ATP1A3: variants seen among roughly 807,000 people sequenced by gnomAD.
ATP1A3 encodes the protein ATPase Na+/K+ transporting subunit alpha 3, also known as sodium/potassium-transporting ATPase subunit alpha-3.
ATP1A3 carries 12 observed loss-of-function variants against 108.8 expected under a neutral mutation model. The observed-to-expected ratio is 0.11, with a 90% CI of 0.07 to 0.18. ATP1A3 has a LOEUF of 0.18. Ranked by LOEUF, ATP1A3 falls within the 10% of genes least tolerant of loss-of-function variation. ATP1A3 has a pLI of 1.00. For missense variants in ATP1A3, 498 were observed against 1,387.7 expected (o/e 0.36, Z 10.19); for synonymous variants, 539 against 564.5 (o/e 0.95, Z 0.64).
In ATP1A3 at chr19:41,967,316, G is replaced by A. The variant is rs182309368; in HGVS notation, c.2946C>T (p.Phe982=). 14 of 1,610,786 alleles carry A rather than the reference G, an allele frequency of 8.7e-6. No homozygotes were observed. In the African/African-American group the frequency reaches 1.5e-4, roughly 17 times the overall value. Residue 982 remains phenylalanine, a synonymous_variant, in exon 22 of 23, where the codon TTC becomes TTT. Transcript: ENST00000648268. This position sits in a 1 kb window ranked among gnomAD's most constrained non-coding sequence, Gnocchi z 4.2. ...AGACGAAGATGAGGAAACTGTAGGG[G>A]AAGGCACAGAACCACCAGCTGGGCC... ...PLKPSWWFCA[F]PYSFLIFVYD...
At chr19:41,976,973 T>G (rs1233068540) in intron 14 of ATP1A3, among the ~76,000 whole-genome samples, 1 of 151,018 alleles carries the variant, frequency 6.6e-6, no homozygotes, top group African/African-American at 2.4e-5. Context: ...CCTGGCTAAT[T>G]TTTTTTTAAT....
At chr19:41,979,835 G>A (rs1017010194) in intron 11 of ATP1A3, among the ~76,000 whole-genome samples, 1 of 152,184 alleles carries the variant, frequency 6.6e-6, no homozygotes, top group African/African-American at 2.4e-5. Context: ...TTAGAGGGAC[G>A]AGCTATGGTA....
intron 8 of ATP1A3, among the ~76,000 whole-genome samples, chr19:41,982,409 TG>T (rs1285180012): frequency 2.0e-5 from 3 of 152,130 alleles, no homozygotes; most frequent in Admixed American, 6.6e-5. Context: ...GCGCATCACT[TG>T]AGATCAGGAG....
chr19:41,972,923 G>A (rs901118332), intron 16 of ATP1A3, among the ~76,000 whole-genome samples: 9 of 151,606 alleles, frequency 5.9e-5, no homozygotes, highest in African/African-American at 2.2e-4. Context: ...GGGAGGGAAG[G>A]GAAGGTGAAG....
rs201289516 is a variant in ATP1A3 at position 41,978,114 on chromosome 19, G to T, written c.1806+37C>A. On this transcript the variant is annotated intron_variant, in intron 13 of 22. Transcript: ENST00000648268. The surrounding 1 kb of genome is among the most constrained non-coding windows in gnomAD (Gnocchi z 8.3). ...TTAGGGATGGCCTCTCCCGCCCCAC[G>T]CCTGGCTTTGCCTCCCCCAGCCACC... The T allele has an allele frequency of 1.2e-6, 2 of 1,614,170 alleles. No homozygotes were observed. The highest frequency in any genetic ancestry group is 8.5e-7 in the Non-Finnish European group (1 of 1,180,024).
At position 41,967,824 on chromosome 19, in the gene ATP1A3, G is replaced by A. The variant is rs1040405243; in HGVS notation, c.2820-61C>T. On this transcript the variant is annotated intron_variant, in intron 20 of 22. Transcript: ENST00000648268. This position sits in a 1 kb window ranked among gnomAD's most constrained non-coding sequence, Gnocchi z 4.2. ...GCACCCACCCTGCACCTGCCACCCC[G>A]CAGAGACAGGGGGAGGCACAGTGCA... The A allele has an allele frequency of 1.1e-5, 16 of 1,472,790 alleles. No individual in the cohort carries two copies. The highest frequency in any genetic ancestry group is 3.5e-5 in the South Asian group (3 of 86,086). The allele number at this position is 1,472,790 out of a possible 1,614,324, so 91.2% of individuals were successfully genotyped here. A position where few individuals can be genotyped will look rare whatever the true frequency, so the allele number is the denominator to read the frequency against.
At chr19:41,972,158 G>A (rs1555860058) in intron 16 of ATP1A3, among the ~76,000 whole-genome samples, 1 of 152,098 alleles carries the variant, frequency 6.6e-6, no homozygotes, top group African/African-American at 2.4e-5. Flanking sequence ...GCTGAGGCAG[G>A]AGAATCATTT....
rs1021823203 is a variant in ATP1A3, at chr19:41,978,470, C to A, written c.1630+136G>T. The A allele has an allele frequency of 1.4e-6, 2 of 1,481,460 alleles. No homozygotes were observed. The highest frequency in any genetic ancestry group is 1.4e-5 in the African/African-American group (1 of 72,164). The allele number at this position is 1,481,460 out of a possible 1,614,324, so 91.8% of individuals were successfully genotyped here. On this transcript the variant is annotated intron_variant, in intron 12 of 22. Transcript: ENST00000648268. This position sits in a 1 kb window ranked among gnomAD's most constrained non-coding sequence, Gnocchi z 8.3. ...TTCATTTCCTAGGATACCTTCCCCT[C>A]TCATCCATCCATTCATTCATTCATT...
rs1329634836 is a variant in ATP1A3 at position 41,993,308 on chromosome 19, A to C, written c.6+763T>G. 4 of 1,360,758 alleles carry C rather than the reference A, an allele frequency of 2.9e-6. No individual in the cohort carries two copies. The East Asian group carries it at 1.0e-4, about 34-fold the overall frequency. 84.3% of individuals were successfully genotyped at this position (1,360,758 alleles called of 1,614,324 possible). A position where few individuals can be genotyped will look rare whatever the true frequency, so the allele number is the denominator to read the frequency against. On this transcript the variant is annotated intron_variant, in intron 1 of 22. Transcript: ENST00000648268. ...CAGACAGACAAGGACACACGGACAC[A>C]GAGGCAAGGACACAGCCAGGCATGC... is the stretch of plus-strand genomic sequence containing the variant.
chr19:41,975,722 T>C lies in ATP1A3; in HGVS notation c.2170A>G (p.Met724Val), dbSNP rs781895537. The C allele has an allele frequency of 6.2e-7, 1 of 1,614,130 alleles. No homozygotes were observed. Among genetic ancestry groups the C allele is most frequent in the Non-Finnish European group, 8.5e-7 (1 of 1,179,994 alleles). The change falls in exon 16 of 23, where the codon ATG (methionine) becomes GTG (valine). Residue 724 changes from methionine (M) to valine (V), a missense_variant. Met to Val is a conservative substitution (Grantham distance 21). Around this residue, in one of 9 missense-constraint regions of ATP1A3, gnomAD observed 121 missense variants for 425.1 expected, o/e 0.28. Transcript: ENST00000648268. The stretch of plus-strand genomic sequence containing the variant: ...GAGACGTCAGAGCCAGCGATGCCCA[T>C]GGCCACCCCAATGTCGGCCTTCTTC... The part of the protein sequence containing the change: ...ALKKADIGVA[M>V]GIAGSDVSKQ...
intron 1 of ATP1A3, among the ~76,000 whole-genome samples, chr19:41,989,121 C>T (rs1465856910): frequency 6.8e-6 from 1 of 147,488 alleles, no homozygotes; most frequent in East Asian, 2.1e-4. Flanking sequence ...TAATTTTTTT[C>T]TAGAAATGGG....
intron 8 of ATP1A3, among the ~76,000 whole-genome samples, chr19:41,983,837 C>T (rs907420765): frequency 3.5e-5 from 5 of 143,360 alleles, no homozygotes; most frequent in Admixed American, 7.3e-5. Context: ...TGAGGTGGCA[C>T]GATCTCGGCT....
intron 16 of ATP1A3, among the ~76,000 whole-genome samples, 166 bp from the exon 17 acceptor site, chr19:41,970,708 T>G (rs2075096213): frequency 6.9e-6 from 1 of 145,962 alleles, no homozygotes; most frequent in African/African-American, 2.6e-5. Flanking sequence ...CTCGGCTCAC[T>G]GCAGGCTCCG....
At position 41,986,242 on chromosome 19, in the gene ATP1A3, G is replaced by A. The variant is rs782369505; in HGVS notation, c.358-13C>T. 3 of 1,613,440 alleles carry A rather than the reference G, an allele frequency of 1.9e-6. No homozygotes were observed. The highest frequency in any genetic ancestry group is 2.7e-5 in the African/African-American group (2 of 75,016). On this transcript the variant is annotated splice_polypyrimidine_tract_variant and intron_variant, in intron 4 of 22. Transcript: ENST00000648268. ...TGCCCAGGTACAGCTGTGGGGAGAT[G>A]TGGGGATGTTGATCAGGGGCCGCCC...
intron 14 of ATP1A3, among the ~76,000 whole-genome samples, chr19:41,977,532 CAAAAA>C (rs367832047): frequency 2.2e-5 from 3 of 137,536 alleles, no homozygotes; most frequent in Non-Finnish European, 3.1e-5. Context: ...ACTAAAAATA[CAAAAA>C]AAAAAAAAAA....
In ATP1A3 at chr19:41,967,032, G is replaced by A. The variant is rs1244326142; in HGVS notation, c.3014-67C>T. ...TGGAGAGAGACAGGCAAGGCGAGCC[G>A]CCCAGCAGAGAGAGGGACAGAGAGG... On this transcript the variant is annotated intron_variant, in intron 22 of 22. Coordinates refer to ENST00000648268, the MANE Select transcript of ATP1A3 (RefSeq NM_152296.5). This position sits in a 1 kb window ranked among gnomAD's most constrained non-coding sequence, Gnocchi z 4.2. The A allele has an allele frequency of 4.3e-5, 67 of 1,551,518 alleles. No homozygotes were observed. The highest frequency in any genetic ancestry group is 5.1e-5 in the Non-Finnish European group (59 of 1,146,992).
rs1391735279 is a variant in ATP1A3, at chr19:41,968,465, T to C, written c.2819+320A>G. Among the ~76,000 whole-genome samples, 4 of 152,064 alleles carry C rather than the reference T, an allele frequency of 2.6e-5. No homozygotes were observed. The highest frequency in any genetic ancestry group is 9.7e-5 in the African/African-American group (4 of 41,396). ...CGGAGGTTGCAGTGAGCCAAGATTG[T>C]GCCACTGCACTCCAGCCTGGGCAAC... On this transcript the variant is annotated intron_variant, in intron 20 of 22. Coordinates refer to ENST00000648268, the MANE Select transcript of ATP1A3 (RefSeq NM_152296.5). This position sits in a 1 kb window ranked among gnomAD's most constrained non-coding sequence, Gnocchi z 5.0.
rs373180830 is a variant in ATP1A3, at chr19:41,986,224, G to A, written c.363C>T (p.Tyr121=). The A allele has an allele frequency of 3.1e-4, 504 of 1,613,892 alleles. 4 individuals carry two copies. The South Asian group carries it at 5.2e-3, about 17-fold the overall frequency. Residue 121 remains tyrosine, a synonymous_variant, in exon 5 of 23, where the codon TAC becomes TAT. Transcript: ENST00000648268. ...CCACGGCCGCCAGCACGATGCCCAG[G>A]TACAGCTGTGGGGAGATGTGGGGAT... ...TEDDPSGDNL[Y]LGIVLAAVVI...
chr19:41,967,236 C>G lies in ATP1A3; in HGVS notation c.3013+13G>C. The G allele has an allele frequency of 1.9e-6, 3 of 1,614,040 alleles. No individual in the cohort carries two copies. The highest frequency in any genetic ancestry group is 2.5e-6 in the Non-Finnish European group (3 of 1,179,996). Reference sequence around the variant, plus strand: ...CCCCCGCCCCCCTCGGCTGCCTTGCCGAGCTCCCTCACCCCCTGGGTTCCT... The same window carrying G: ...CCCCCGCCCCCCTCGGCTGCCTTGCGGAGCTCCCTCACCCCCTGGGTTCCT... On this transcript the variant is annotated intron_variant, in intron 22 of 22. Transcript: ENST00000648268. The surrounding 1 kb of genome is among the most constrained non-coding windows in gnomAD (Gnocchi z 4.2).
Sources: gnomAD v4.1 joint callset for allele counts (sites outside exome capture counted in the v4.1 genomes callset) on GRCh38, gnomAD v4.1.1 for gene constraint, gnomAD v4.1.1 regional missense constraint, Gnocchi (gnomAD v3.1) non-coding constraint, MANE v1.5 for transcripts, NCBI Gene and HGNC (gene_info 2026-07-23, HGNC 2026-07-21) for gene names.